The following SLC2A5 variants were observed in gnomAD, a reference collection of about 807,000 sequenced individuals.
SLC2A5 encodes solute carrier family 2, facilitated glucose transporter member 5.
A neutral mutation model predicts 50.3 loss-of-function variants in SLC2A5; 56 were observed. That is an observed-to-expected ratio of 1.11 (90% CI 0.90 to 1.39). The LOEUF (loss-of-function observed/expected upper bound fraction) is 1.39. Ranked by LOEUF, SLC2A5 falls within the 40% of genes most tolerant of loss-of-function variation. The pLI is 0.00. For synonymous variants in SLC2A5, 269 were observed against 281.9 expected, an observed-to-expected ratio of 0.95 and a Z score of 0.46; for missense variants, 566 against 650.1, an observed-to-expected ratio of 0.87 and a Z score of 1.41.
upstream of SLC2A5, among the ~76,000 whole-genome samples, chr1:9,070,099 T>TTTTTTA (rs1642184543): frequency 7.4e-6 from 1 of 134,786 alleles, no homozygotes; most frequent in Non-Finnish European, 1.5e-5. Context: ...TTTTTTTTTT[T>TTTTTTA]GAGACGGAGT....
chr1:9,070,269 C>G (rs954351326), upstream of SLC2A5, among the ~76,000 whole-genome samples: 6 of 151,712 alleles, frequency 4.0e-5, no homozygotes, highest in East Asian at 1.2e-3. Context: ...TTAGTAGACA[C>G]GGGGTTTTGC....
upstream of SLC2A5, chr1:9,069,979 G>C (rs1642180339): frequency 6.5e-6 from 1 of 154,676 alleles, no homozygotes; most frequent in South Asian, 2.0e-4. Flanking sequence ...TGCTCTCCCT[G>C]CCAGGAAAAC....
rs1641874499 is a variant in SLC2A5, at chr1:9,060,051, CACACACACACAAT to C, written c.34-1814_34-1802del. ...CTACACACATACAGTACACACACAC[CACACACACACAAT>C]ACACACACTACACACACACACTACA... On this transcript the variant is annotated intron_variant, in intron 1 of 11. Transcript: ENST00000377424. 4.9e-5 allele frequency among the ~76,000 whole-genome samples: 7 copies of C among 142,052 alleles called. No individual in the cohort carries two copies. In the South Asian group the frequency reaches 1.7e-3, roughly 34 times the overall value. 93.2% of individuals were successfully genotyped at this position (142,052 alleles called of 152,430 possible). A position where few individuals can be genotyped will look rare whatever the true frequency, so the allele number is the denominator to read the frequency against.
chr1:9,081,347 A>G (rs1481792509), intron 2 of SLC2A5, among the ~76,000 whole-genome samples: 1 of 151,250 alleles, frequency 6.6e-6, no homozygotes, highest in African/African-American at 2.4e-5. Flanking sequence ...ATTATCAAGA[A>G]AGTAAAAAGA....
At chr1:9,056,653 A>G (rs1243459317) in intron 3 of SLC2A5, among the ~76,000 whole-genome samples, 7 of 152,162 alleles carry the variant, frequency 4.6e-5, no homozygotes. Flanking sequence ...TAGGTCTTCC[A>G]TAATGTCCAT....
Position 9,037,554 on chromosome 1 carries a change from G to T in SLC2A5, c.*32C>A, listed in dbSNP as rs768337165. The T allele has an allele frequency of 2.5e-6, 4 of 1,593,150 alleles. No homozygotes were observed. Among genetic ancestry groups the T allele is most frequent in the Non-Finnish European group, 3.4e-6 (4 of 1,161,906 alleles). ...AATAAGCCAAAGTGGGAAGCCCCTGGCAGACCAGCTCCACTGGCTTCCTCT... is the reference window on the plus strand; with the variant it reads ...AATAAGCCAAAGTGGGAAGCCCCTGTCAGACCAGCTCCACTGGCTTCCTCT... On this transcript the variant is annotated 3_prime_UTR_variant, in exon 12 of 12. Transcript: ENST00000377424.
In SLC2A5 at chr1:9,038,318, G is replaced by A. The variant is rs1641190549; in HGVS notation, c.1174+113C>T. ...CCCCCTTGCGGTGGACGGGGGAAGAGATGCCATTTCCAGGCTGCATTGGCC... is the reference window on the plus strand; with the variant it reads ...CCCCCTTGCGGTGGACGGGGGAAGAAATGCCATTTCCAGGCTGCATTGGCC... On this transcript the variant is annotated intron_variant, in intron 10 of 11. Coordinates refer to ENST00000377424, the MANE Select transcript of SLC2A5 (RefSeq NM_003039.3). 6 of 810,866 alleles carry A rather than the reference G, an allele frequency of 7.4e-6. No individual in the cohort carries two copies. In the Admixed American group the frequency reaches 1.0e-4, roughly 14 times the overall value. 50.2% of individuals were successfully genotyped at this position (810,866 alleles called of 1,614,324 possible).
Position 9,058,156 on chromosome 1 carries a change from G to C in SLC2A5, c.128C>G (p.Ala43Gly). ...GYNVAAVNSP[A>G]LLMQQFYNET... ...TTGCTCACCACAGTGACCTACCAGT[G>C]CTGGGGAGTTGACAGCAGCCACGTT... The change falls in exon 2 of 12, where the codon GCA (alanine) becomes GGA (glycine). Residue 43 changes from alanine (A) to glycine (G), a missense_variant. By Grantham distance (60) the Ala-to-Gly change is moderately conservative. Transcript: ENST00000377424. 6.2e-7 allele frequency: 1 copy of C among 1,610,914 alleles called. No homozygotes were observed. Among genetic ancestry groups the C allele is most frequent in the Non-Finnish European group, 8.5e-7 (1 of 1,177,064 alleles).
upstream of SLC2A5, among the ~76,000 whole-genome samples, chr1:9,090,182 C>T (rs946810211): frequency 1.3e-5 from 2 of 151,984 alleles, no homozygotes; most frequent in African/African-American, 2.4e-5. Flanking sequence ...ATTTATTGGC[C>T]CTAAACCAAA....
At chr1:9,077,497 TTGG>T (rs1642300299) in intron 2 of SLC2A5, among the ~76,000 whole-genome samples, 1 of 150,658 alleles carries the variant, frequency 6.6e-6, no homozygotes, top group Admixed American at 6.6e-5. Flanking sequence ...TCCCAGCACT[TTGG>T]GAGGCTGAGG....
chr1:9,066,483 C>T (rs1320324774), intron 1 of SLC2A5, among the ~76,000 whole-genome samples: 6 of 152,174 alleles, frequency 3.9e-5, no homozygotes, highest in African/African-American at 1.4e-4. Context: ...AATCCGCTTG[C>T]CTCGGCCTCC....
chr1:9,091,820 C>G (rs1642464823), upstream of SLC2A5, among the ~76,000 whole-genome samples: 1 of 152,120 alleles, frequency 6.6e-6, no homozygotes, highest in African/African-American at 2.4e-5. Flanking sequence ...ATGATAATAT[C>G]CACTTTCTCC....
At chr1:9,047,828 C>T (rs1641475256) in intron 3 of SLC2A5, 94 bp from the exon 4 acceptor site, 2 of 1,327,498 alleles carry the variant, frequency 1.5e-6, no homozygotes, top group Non-Finnish European at 2.1e-6. Flanking sequence ...TAGGCTCCAG[C>T]AGTTACAGCA....
chr1:9,089,838 C>T (rs1410209184), upstream of SLC2A5, among the ~76,000 whole-genome samples: 1 of 152,220 alleles, frequency 6.6e-6, no homozygotes, highest in Non-Finnish European at 1.5e-5. Context: ...GAAATCTCTT[C>T]ACAGCTGGCA....
intron 1 of SLC2A5, among the ~76,000 whole-genome samples, chr1:9,060,629 A>C: frequency 8.1e-6 from 1 of 122,992 alleles, no homozygotes; most frequent in Non-Finnish European, 1.7e-5. Flanking sequence ...CACCACACAT[A>C]CACACATACA....
At chr1:9,053,379 A>G (rs1210182126) in intron 3 of SLC2A5, among the ~76,000 whole-genome samples, 1 of 75,224 alleles carries the variant, frequency 1.3e-5, no homozygotes, top group African/African-American at 5.3e-5. Flanking sequence ...TATATATTAT[A>G]TATATTTATA....
intron 3 of SLC2A5, among the ~76,000 whole-genome samples, chr1:9,056,690 C>T (rs1641762155): frequency 6.6e-6 from 1 of 152,092 alleles, no homozygotes; most frequent in African/African-American, 2.4e-5. Flanking sequence ...AGCGTGACAT[C>T]TTAAGGACAC....
At chr1:9,049,167 T>C (rs1468982475) in intron 3 of SLC2A5, 2 of 456,120 alleles carry the variant, frequency 4.4e-6, no homozygotes, top group Non-Finnish European at 8.8e-6. Context: ...GCCCTCATGA[T>C]GAGGACCCTC....
chr1:9,090,628 A>G (rs1642452934), upstream of SLC2A5, among the ~76,000 whole-genome samples: 2 of 152,084 alleles, frequency 1.3e-5, no homozygotes, highest in Non-Finnish European at 2.9e-5. Flanking sequence ...AACACTAGCA[A>G]CTTCTCTGTA....
Sources: gnomAD v4.1 joint callset for allele counts (sites outside exome capture counted in the v4.1 genomes callset) on GRCh38, gnomAD v4.1.1 for gene constraint, MANE v1.5 for transcripts, NCBI Gene and HGNC (gene_info 2026-07-23, HGNC 2026-07-21) for gene names.